COL5A1: variants seen among roughly 807,000 people sequenced by gnomAD.
COL5A1 encodes the protein collagen alpha-1(V) chain.
A neutral mutation model predicts 263.7 loss-of-function variants in COL5A1; 16 were observed. The observed-to-expected ratio is 0.06, with a 90% CI of 0.04 to 0.09. The LOEUF is 0.09. Ranked by LOEUF, COL5A1 falls within the 10% of genes least tolerant of loss-of-function variation. COL5A1 has a pLI of 1.00. For synonymous variants in COL5A1, 1,012 were observed against 1,004.5 expected (o/e 1.01, Z -0.14); for missense variants, 2,036 against 2,540.5 (o/e 0.80, Z 4.27).
intron 6 of COL5A1, among the ~76,000 whole-genome samples, chr9:134,729,165 G>A (rs1305268666): frequency 6.6e-6 from 1 of 152,196 alleles, no homozygotes; most frequent in Non-Finnish European, 1.5e-5. Flanking sequence ...TGGTGGGAGA[G>A]GAGAGAGGAG....
At position 134,830,314 on chromosome 9, in the gene COL5A1, G is replaced by A. The variant is rs1839555500; in HGVS notation, c.5136+270G>A. On this transcript the variant is annotated intron_variant, in intron 64 of 65. Transcript: ENST00000371817. ...ACCGCTCCACATCACGTGACAGCAA[G>A]ACTCAGCTAGGTGTGGAGTCCTCTC... 9.1e-6 allele frequency: 8 copies of A among 874,566 alleles called. No homozygotes were observed. The South Asian group carries it at 1.1e-4, about 12-fold the overall frequency. 54.2% of individuals were successfully genotyped at this position (874,566 alleles called of 1,614,324 possible). A position where few individuals can be genotyped will look rare whatever the true frequency, so the allele number is the denominator to read the frequency against.
At chr9:134,813,194 G>T (rs948976381) in intron 48 of COL5A1, among the ~76,000 whole-genome samples, 2 of 151,582 alleles carry the variant, frequency 1.3e-5, no homozygotes, top group African/African-American at 2.4e-5. Context: ...GGACCCAGTC[G>T]TGTGTGTGTG....
intron 4 of COL5A1, among the ~76,000 whole-genome samples, chr9:134,714,383 G>A (rs1330379183): frequency 1.3e-5 from 2 of 150,218 alleles, no homozygotes; most frequent in Non-Finnish European, 3.0e-5. Context: ...GGTCATGATG[G>A]TAGTGATGGT....
chr9:134,685,488 C>G, intron 1 of COL5A1, among the ~76,000 whole-genome samples: 1 of 97,752 alleles, frequency 1.0e-5, no homozygotes, highest in Non-Finnish European at 2.4e-5. Context: ...ATCCATCCGT[C>G]CATCCATCCA....
At chr9:134,809,068 C>A in intron 42 of COL5A1, 115 bp from the exon 43 acceptor site, 1 of 923,048 alleles carries the variant, frequency 1.1e-6, no homozygotes. Context: ...TGGGGACGGT[C>A]ACCCTCACCA....
chr9:134,780,496 G>A (rs1379067048), intron 28 of COL5A1, among the ~76,000 whole-genome samples: 4 of 151,702 alleles, frequency 2.6e-5, no homozygotes, highest in Non-Finnish European at 5.9e-5. Flanking sequence ...CCACTCCCAG[G>A]TGGGCCGCCT....
chr9:134,760,290 C>T (rs548714710), intron 18 of COL5A1, among the ~76,000 whole-genome samples: 1 of 91,006 alleles, frequency 1.1e-5, no homozygotes, highest in Non-Finnish European at 2.0e-5. Flanking sequence ...CACGCACACA[C>T]CCCCACACCC....
intron 18 of COL5A1, among the ~76,000 whole-genome samples, chr9:134,760,891 A>G (rs1467932338): frequency 6.4e-5 from 9 of 141,174 alleles, no homozygotes; most frequent in Admixed American, 2.8e-4. Context: ...ATACATACCC[A>G]CACACGCATA....
Position 134,811,958 on chromosome 9 carries a change from G to A in COL5A1, c.3690+359G>A, listed in dbSNP as rs138780041. On this transcript the variant is annotated intron_variant, in intron 46 of 65. Coordinates refer to ENST00000371817, the MANE Select transcript of COL5A1 (RefSeq NM_000093.5). ...TGTGTGTATTCTCATGCACAGAGGC[G>A]CATATGTAATTGTATTTGGTGTTTG... Among the ~76,000 whole-genome samples the A allele has an allele frequency of 1.4e-4, 22 of 152,302 alleles. No individual in the cohort carries two copies. The East Asian group carries it at 3.9e-3, about 27-fold the overall frequency.
intron 5 of COL5A1, 75 bp downstream of exon 5, chr9:134,727,472 C>A: frequency 6.6e-7 from 1 of 1,515,744 alleles, no homozygotes; most frequent in Non-Finnish European, 9.2e-7. Context: ...GACACATAAG[C>A]CATGGGACCC....
chr9:134,815,940 A>G lies in COL5A1; in HGVS notation c.4074A>G (p.Gln1358=), dbSNP rs1838728430. The G allele has an allele frequency of 6.2e-7, 1 of 1,614,132 alleles. No homozygotes were observed. The highest frequency in any genetic ancestry group is 8.5e-7 in the Non-Finnish European group (1 of 1,180,030). Residue 1358 remains glutamine, a synonymous_variant, in exon 52 of 66, where the codon CAA becomes CAG. Coordinates refer to ENST00000371817, the MANE Select transcript of COL5A1 (RefSeq NM_000093.5). ...GCTCGCTTTTGCCTCCATAGGGTCA[A>G]GATGGTCCCCCTGGTGACAAAGGAG... ...GPPGEPGPAG[Q]DGPPGDKGDD... is the part of the protein sequence containing the mutation.
At chr9:134,829,105 C>T (rs1839459102) in intron 63 of COL5A1, among the ~76,000 whole-genome samples, 1 of 150,766 alleles carries the variant, frequency 6.6e-6, no homozygotes, top group Non-Finnish European at 1.5e-5. Flanking sequence ...CTTTTATTAC[C>T]ATTCCCTTGG....
intron 18 of COL5A1, among the ~76,000 whole-genome samples, chr9:134,760,886 TACCC>T (rs1291050396): frequency 2.8e-5 from 3 of 106,464 alleles, no homozygotes; most frequent in Non-Finnish European, 5.7e-5. Context: ...GACGCATACA[TACCC>T]ACACACGCAT....
intron 64 of COL5A1, among the ~76,000 whole-genome samples, chr9:134,834,479 C>T (rs771410734): frequency 1.2e-4 from 18 of 152,142 alleles, no homozygotes; most frequent in Non-Finnish European, 2.4e-4. Context: ...ACACTGGCTG[C>T]CGTTCACCAT....
chr9:134,697,154 T>C (rs1833508381), intron 2 of COL5A1, among the ~76,000 whole-genome samples: 1 of 151,766 alleles, frequency 6.6e-6, no homozygotes, highest in Non-Finnish European at 1.5e-5. Context: ...AAACATGAAG[T>C]GTTCGACAGC....
chr9:134,731,244 G>A (rs371426113), intron 7 of COL5A1, among the ~76,000 whole-genome samples: 1 of 152,170 alleles, frequency 6.6e-6, no homozygotes, highest in African/African-American at 2.4e-5. Flanking sequence ...CTGCCTGAGC[G>A]GGTGCACGGG....
At chr9:134,835,918 G>T (rs1330819286) in intron 65 of COL5A1, among the ~76,000 whole-genome samples, 2 of 152,166 alleles carry the variant, frequency 1.3e-5, no homozygotes, top group Non-Finnish European at 2.9e-5. Flanking sequence ...GGTGTTTAGG[G>T]TGCAGCTGTG....
At chr9:134,643,954 C>T (rs897179750) in intron 1 of COL5A1, among the ~76,000 whole-genome samples, 1 of 152,190 alleles carries the variant, frequency 6.6e-6, no homozygotes, top group Admixed American at 6.5e-5. Flanking sequence ...GTCTTTTTCC[C>T]TCTCTGGTTG....
chr9:134,827,304 G>A (rs755810966), intron 63 of COL5A1, among the ~76,000 whole-genome samples: 41 of 152,214 alleles, frequency 2.7e-4, no homozygotes, highest in Admixed American at 4.6e-4. Context: ...GAGCCCACTG[G>A]CTGCAGTGGA....
Sources: allele counts gnomAD v4.1 joint callset (sites outside exome capture counted in the v4.1 genomes callset), GRCh38; gene constraint gnomAD v4.1.1; transcripts MANE v1.5; gene names NCBI Gene and HGNC (gene_info 2026-07-23, HGNC 2026-07-21).